XPO6: variants seen among roughly 807,000 people sequenced by gnomAD.
XPO6 encodes exportin 6, also known as exportin-6.
In XPO6, 3 loss-of-function variants were observed where a neutral mutation model predicts 130.0. That is an observed-to-expected ratio of 0.02 (90% CI 0.01 to 0.06). XPO6 has a LOEUF of 0.06. Ranked by LOEUF, XPO6 falls within the 10% of genes least tolerant of loss-of-function variation. The pLI is 1.00. For synonymous variants in XPO6, 524 were observed against 548.9 expected (o/e 0.95, Z 0.63); for missense variants, 970 against 1,393.0 (o/e 0.70, Z 4.83).
chr16:28,180,673 C>A (rs1242544261), intron 2 of XPO6, among the ~76,000 whole-genome samples: 3 of 152,126 alleles, frequency 2.0e-5, no homozygotes, highest in African/African-American at 7.2e-5. Context: ...CCCACCCCAC[C>A]CTAGACGCCC....
intron 1 of XPO6, among the ~76,000 whole-genome samples, chr16:28,200,703 T>C (rs1011755696): frequency 6.6e-6 from 1 of 152,118 alleles, no homozygotes; most frequent in African/African-American, 2.4e-5. Flanking sequence ...ATTTCTGTTT[T>C]TTTGGTTTTT....
At chr16:28,169,680 G>A in intron 5 of XPO6, 70 bp downstream of exon 5, 1 of 1,568,274 alleles carries the variant, frequency 6.4e-7, no homozygotes, top group South Asian at 1.2e-5. Context: ...CAAAGCTGCT[G>A]AGTGCCAAGG....
rs1166250785 is a variant in XPO6, at chr16:28,156,124, C to G, written c.1047G>C (p.Lys349Asn). 6.2e-7 allele frequency: 1 copy of G among 1,613,520 alleles called. No individual in the cohort carries two copies. Among genetic ancestry groups the G allele is most frequent in the African/African-American group, 1.3e-5 (1 of 74,900 alleles). ...TCTTCACTGTGTGGGCATTGTTATC[C>G]TTGGTGATTTTCTGCAGGAGGTAGA... ...QTFYLLQKIT[K>N]DNNAHTVKSR... is the part of the protein sequence containing the mutation. Residue 349 changes from lysine (K) to asparagine (N), a missense_variant, in exon 7 of 24, where the codon AAG becomes AAC. Lys to Asn is a moderately conservative substitution (Grantham distance 94). Coordinates refer to ENST00000304658, the MANE Select transcript of XPO6 (RefSeq NM_015171.4).
chr16:28,099,080 A>C (rs1485833466), intron 23 of XPO6, among the ~76,000 whole-genome samples: 1 of 152,040 alleles, frequency 6.6e-6, no homozygotes, highest in Non-Finnish European at 1.5e-5. Flanking sequence ...CCTCTTCTTC[A>C]CCATGGCCCC....
rs761562619 is a variant in XPO6 at position 28,132,439 on chromosome 16, A to C, written c.1537-36T>G. The C allele has an allele frequency of 3.8e-5, 56 of 1,471,762 alleles. 1 individual carries two copies. The Middle Eastern group carries it at 5.8e-4, about 15-fold the overall frequency. The allele number at this position is 1,471,762 out of a possible 1,614,324, so 91.2% of individuals were successfully genotyped here. A position where few individuals can be genotyped will look rare whatever the true frequency, so the allele number is the denominator to read the frequency against. Reference sequence around the variant, plus strand: ...AGAAACAAAAACAACAAAAATTTTAAGCCATAAATGCAAGTTTTAATAGCA... The same window carrying C: ...AGAAACAAAAACAACAAAAATTTTACGCCATAAATGCAAGTTTTAATAGCA... On this transcript the variant is annotated intron_variant, in intron 11 of 23. Transcript: ENST00000304658. The surrounding 1 kb of genome is among the most constrained non-coding windows in gnomAD (Gnocchi z 4.0).
intron 23 of XPO6, among the ~76,000 whole-genome samples, chr16:28,099,235 G>A (rs912531138): frequency 3.3e-5 from 5 of 152,186 alleles, no homozygotes; most frequent in African/African-American, 1.2e-4. Context: ...GCCATGGAAG[G>A]CCCTGGGCCA....
intron 2 of XPO6, among the ~76,000 whole-genome samples, chr16:28,180,028 T>C (rs900679648): frequency 2.0e-5 from 3 of 152,220 alleles, no homozygotes; most frequent in Non-Finnish European, 4.4e-5. Flanking sequence ...ATTTCAATTA[T>C]AATCTAAAAC....
At position 28,192,350 on chromosome 16, in the gene XPO6, A is replaced by G. The variant is rs35327359; in HGVS notation, c.4-11319T>C. Among the ~76,000 whole-genome samples, 419 of 152,192 alleles carry G rather than the reference A, an allele frequency of 2.8e-3. 1 individual carries two copies. Among genetic ancestry groups the G allele is most frequent in the Non-Finnish European group, 3.0e-3 (202 of 68,022 alleles). ...CATTACTACTGGGAACTGGGGTAGC[A>G]TAATCATCCCCTCCAGGTTCCACTC... On this transcript the variant is annotated intron_variant, in intron 1 of 23. Transcript: ENST00000304658.
intron 8 of XPO6, among the ~76,000 whole-genome samples, chr16:28,149,048 AAAAAGAAAATAAAAAAAAAAAAAAAC>A (rs2043035909): frequency 6.8e-6 from 1 of 146,294 alleles, no homozygotes; most frequent in Non-Finnish European, 1.5e-5. Context: ...GTCTCCAAAA[AAAAAGAAAATAAAAAAAAAAAAAAAC>A]AAAAGGAAGG....
chr16:28,139,867 C>T lies in XPO6; in HGVS notation c.1335-4543G>A, dbSNP rs542434754. On this transcript the variant is annotated intron_variant, in intron 9 of 23. Coordinates refer to ENST00000304658, the MANE Select transcript of XPO6 (RefSeq NM_015171.4). ...AAAAACTGATCAAACTAAAAGGAGA[C>T]AGACAAATCCAAAATTATTTTTGGA... is the stretch of plus-strand genomic sequence containing the variant. 2.0e-5 allele frequency among the ~76,000 whole-genome samples: 3 copies of T among 152,298 alleles called. No homozygotes were observed. In the South Asian group the frequency reaches 6.2e-4, roughly 32 times the overall value.
At chr16:28,207,367 A>G (rs571579113) in intron 1 of XPO6, among the ~76,000 whole-genome samples, 85 of 152,370 alleles carry the variant, frequency 5.6e-4, no homozygotes, top group Non-Finnish European at 9.6e-4. Flanking sequence ...CACAATTTTC[A>G]TATTAAGCAA....
Position 28,106,432 on chromosome 16 carries a change from C to A in XPO6, c.2563G>T (p.Val855Leu), listed in dbSNP as rs201832223. 18 of 1,614,124 alleles carry A rather than the reference C, an allele frequency of 1.1e-5. No homozygotes were observed. The highest frequency in any genetic ancestry group is 1.7e-5 in the Admixed American group (1 of 60,010). The change falls in exon 19 of 24, where the codon GTG becomes TTG. Residue 855 changes from valine (V) to leucine (L), a missense_variant. This residue lies in a region of XPO6 where 936 missense variants were observed against 1,306.8 expected (regional missense o/e 0.72). Transcript: ENST00000304658. The surrounding 1 kb of genome is among the most constrained non-coding windows in gnomAD (Gnocchi z 4.2). ...TGTATGATTTGCTCAGTGAAAGGCACACCCATCTGTACTCTAAGGCCTCGA... is the reference window on the plus strand; with the variant it reads ...TGTATGATTTGCTCAGTGAAAGGCAAACCCATCTGTACTCTAAGGCCTCGA... ...LFRGLRVQMG[V>L]PFTEQIIQTF...
intron 1 of XPO6, among the ~76,000 whole-genome samples, chr16:28,186,069 A>G (rs2043686832): frequency 6.6e-6 from 1 of 152,158 alleles, no homozygotes; most frequent in African/African-American, 2.4e-5. Context: ...ACCAAGACCC[A>G]TAATCACCTA....
intron 9 of XPO6, among the ~76,000 whole-genome samples, chr16:28,136,831 A>G (rs2042788300): frequency 6.6e-6 from 1 of 152,228 alleles, no homozygotes; most frequent in South Asian, 2.1e-4. Flanking sequence ...AAGTTAAGGG[A>G]CTGCTCCCAT....
intron 4 of XPO6, among the ~76,000 whole-genome samples, chr16:28,171,310 G>A (rs1261686762): frequency 6.6e-5 from 10 of 151,684 alleles, no homozygotes; most frequent in African/African-American, 9.7e-5. Flanking sequence ...AAAATTAGCC[G>A]GGTGTGGTGG....
At position 28,133,835 on chromosome 16, in the gene XPO6, C is replaced by T. The variant is rs572080885; in HGVS notation, c.1536+6G>A. 1.9e-5 allele frequency: 30 copies of T among 1,613,996 alleles called. No homozygotes were observed. The Admixed American group carries it at 3.2e-4, about 17-fold the overall frequency. On this transcript the variant is annotated splice_donor_region_variant and intron_variant, in intron 11 of 23. Transcript: ENST00000304658. ...ACACTCTCCACTCCCCCGGACAGCA[C>T]ATTACCAGTGTGGAGAAGGCGTGCG...
At chr16:28,208,299 C>T (rs777256177) in intron 1 of XPO6, among the ~76,000 whole-genome samples, 5 of 152,146 alleles carry the variant, frequency 3.3e-5, no homozygotes, top group Non-Finnish European at 4.4e-5. Context: ...CAAACTTATG[C>T]CAACTAATAC....
At chr16:28,189,661 C>CG (rs1433364898) in intron 1 of XPO6, among the ~76,000 whole-genome samples, 1 of 152,164 alleles carries the variant, frequency 6.6e-6, no homozygotes, top group African/African-American at 2.4e-5. Flanking sequence ...GCTGGGCAGG[C>CG]GCGCCCACCC....
intron 1 of XPO6, among the ~76,000 whole-genome samples, chr16:28,187,382 G>C (rs917912621): frequency 3.3e-5 from 5 of 152,050 alleles, no homozygotes; most frequent in African/African-American, 1.2e-4. Context: ...GCTGTTCTCT[G>C]GTCATTTCAG....
Sources: gnomAD v4.1 joint callset for allele counts (sites outside exome capture counted in the v4.1 genomes callset) on GRCh38, gnomAD v4.1.1 for gene constraint, gnomAD v4.1.1 regional missense constraint, Gnocchi (gnomAD v3.1) non-coding constraint, MANE v1.5 for transcripts, NCBI Gene and HGNC (gene_info 2026-07-23, HGNC 2026-07-21) for gene names.